WDR3: variants seen among roughly 807,000 people sequenced by gnomAD.
The protein encoded by WDR3 is WD repeat domain 3.
Under a neutral mutation model 123.7 loss-of-function variants are expected in WDR3, and 81 were observed. That is an observed-to-expected ratio of 0.65 (90% CI 0.55 to 0.79). The LOEUF is 0.79. Ranked by LOEUF, WDR3 falls within the 30% of genes least tolerant of loss-of-function variation. The pLI, the probability that WDR3 is intolerant of heterozygous loss-of-function variation, is 0.00. For missense variants in WDR3, 1,027 were observed against 1,123.2 expected (o/e 0.91, Z 1.22); for synonymous variants, 390 against 388.8 (o/e 1.00, Z -0.04).
rs1007467458 is a variant in WDR3, at chr1:117,943,557, C to CT, written c.1262dup (p.Leu421PhefsTer16). 29 of 1,613,980 alleles carry CT rather than the reference C, an allele frequency of 1.8e-5. No homozygotes were observed. The highest frequency in any genetic ancestry group is 2.4e-5 in the Non-Finnish European group (28 of 1,180,022). Reference sequence around the variant, plus strand: ...GGGGGTCATCGCAGTGATGTGCGGACTTTGTCATTCAGCTCAGACAATATT... The same window carrying CT: ...GGGGGTCATCGCAGTGATGTGCGGACTTTTGTCATTCAGCTCAGACAATATT... On this transcript the variant is annotated frameshift_variant, in exon 11 of 27. Coordinates refer to ENST00000349139, the MANE Select transcript of WDR3 (RefSeq NM_006784.3). LOFTEE classifies it high-confidence loss of function.
At chr1:117,947,780 G>A (rs1270839729) in intron 12 of WDR3, among the ~76,000 whole-genome samples, 53 of 152,176 alleles carry the variant, frequency 3.5e-4, no homozygotes, top group Admixed American at 3.3e-3. Flanking sequence ...GAAGCTCATC[G>A]TAAAACAGGC....
intron 11 of WDR3, among the ~76,000 whole-genome samples, chr1:117,945,722 T>C (rs1391061538): frequency 6.6e-6 from 1 of 152,182 alleles, no homozygotes; most frequent in Non-Finnish European, 1.5e-5. Context: ...AATTAATTAA[T>C]GTTTGTGGTC....
Position 117,954,599 on chromosome 1 carries a change from C to T in WDR3, c.2381C>T (p.Pro794Leu), listed in dbSNP as rs1651890080. The change falls in exon 23 of 27, where the codon CCC becomes CTC. Residue 794 changes from proline (P) to leucine (L), a missense_variant. Transcript: ENST00000349139. ...TCATAGGTTCCACTTCCCAGCAACC[C>T]CATCCTAATGGCTTATGGCAGTATC... is the stretch of plus-strand genomic sequence containing the variant. ...AGKEVPLPSNPILMAYGSISP... is the reference protein window; with the variant it reads ...AGKEVPLPSNLILMAYGSISP... 2 of 1,612,336 alleles carry T rather than the reference C, an allele frequency of 1.2e-6. No homozygotes were observed. Among genetic ancestry groups the T allele is most frequent in the African/African-American group, 1.3e-5 (1 of 74,788 alleles).
At chr1:117,956,383 T>C (rs1246041917) in intron 24 of WDR3, among the ~76,000 whole-genome samples, 1 of 152,208 alleles carries the variant, frequency 6.6e-6, no homozygotes, top group Admixed American at 6.5e-5. Flanking sequence ...ATCATTTTCA[T>C]AATGAACCAC....
rs1653754761 is a variant in WDR3 at position 117,965,758 on chromosome 1, G to A, written c.*6311G>A. ...CTGATCATGTCACCCACAGGGTCAG[G>A]AATCTGCAGTGGTTCACTGCTGCTT... On this transcript the variant is annotated 3_prime_UTR_variant, in exon 27 of 27. Coordinates refer to ENST00000349139, the MANE Select transcript of WDR3 (RefSeq NM_006784.3). The A allele has an allele frequency of 6.6e-6, 1 of 152,192 alleles. No individual in the cohort carries two copies. Among genetic ancestry groups the A allele is most frequent in the East Asian group, 1.9e-4 (1 of 5,188 alleles). 9.4% of individuals were successfully genotyped at this position (152,192 alleles called of 1,614,324 possible). A position where few individuals can be genotyped will look rare whatever the true frequency, so the allele number is the denominator to read the frequency against.
In WDR3 at chr1:117,953,552, ATAGAATGTG is replaced by A. The variant is rs779710770; in HGVS notation, c.2268+12_2268+20del. ...GAAACAGTGAAAGCAGTAAGTTGAT[ATAGAATGTG>A]GTATCTCGTTTTTTAATAAGATCTC... On this transcript the variant is annotated intron_variant, in intron 21 of 26. Transcript: ENST00000349139. The A allele has an allele frequency of 1.2e-6, 2 of 1,611,268 alleles. No individual in the cohort carries two copies. Among genetic ancestry groups the A allele is most frequent in the East Asian group, 4.5e-5 (2 of 44,784 alleles).
intron 16 of WDR3, among the ~76,000 whole-genome samples, chr1:117,951,610 A>G (rs1651614352): frequency 6.6e-6 from 1 of 151,778 alleles, no homozygotes; most frequent in South Asian, 2.1e-4. Context: ...TAAACATTCT[A>G]GTAGAGTCTT....
chr1:117,946,512 TATC>T (rs1307770281), intron 12 of WDR3, among the ~76,000 whole-genome samples: 1 of 152,166 alleles, frequency 6.6e-6, no homozygotes, highest in East Asian at 1.9e-4. Context: ...AAGTACCTAA[TATC>T]ATGCTTGGCA....
Position 117,960,933 on chromosome 1 carries a change from TC to T in WDR3, c.*1487del, listed in dbSNP as rs1159180545. 1 of 152,232 alleles carries T rather than the reference TC, an allele frequency of 6.6e-6. No homozygotes were observed. The highest frequency in any genetic ancestry group is 1.5e-5 in the Non-Finnish European group (1 of 68,042). The allele number at this position is 152,232 out of a possible 1,614,324, so 9.4% of individuals were successfully genotyped here. On this transcript the variant is annotated 3_prime_UTR_variant, in exon 27 of 27. Transcript: ENST00000349139. ...ATAACTACTTTTTTCCTAATTTTTT[TC>T]ATCTGAAACTTTTCTCATTGTTTCA...
chr1:117,946,090 A>G lies in WDR3; in HGVS notation c.1333A>G (p.Thr445Ala), dbSNP rs373163432. 36 of 1,609,918 alleles carry G rather than the reference A, an allele frequency of 2.2e-5. No homozygotes were observed. The highest frequency in any genetic ancestry group is 5.4e-5 in the African/African-American group (4 of 74,762). Residue 445 changes from threonine (T) to alanine (A), a missense_variant, in exon 12 of 27, where the codon ACA becomes GCA. Transcript: ENST00000349139. Reference protein sequence around the residue: ...ADSIKIWNRSTLQCIRTMTCE... With the variant: ...ADSIKIWNRSALQCIRTMTCE... ...TTTATTTTTTCTTTCTCATAGGTCT[A>G]CACTGCAGTGTATTCGCACAATGAC...
intron 1 of WDR3, among the ~76,000 whole-genome samples, chr1:117,932,140 C>G (rs890180956): frequency 6.6e-6 from 1 of 152,158 alleles, no homozygotes; most frequent in African/African-American, 2.4e-5. Context: ...CTTCATTCAC[C>G]TCTTGTCCCT....
intron 11 of WDR3, among the ~76,000 whole-genome samples, chr1:117,944,234 T>G (rs1485499337): frequency 6.6e-6 from 1 of 152,208 alleles, no homozygotes; most frequent in African/African-American, 2.4e-5. Context: ...AAAGCTTTAT[T>G]TTATGCTTTG....
intron 21 of WDR3, 49 bp from the exon 22 acceptor site, chr1:117,953,958 G>A (rs1651783720): frequency 2.0e-6 from 3 of 1,496,240 alleles, no homozygotes; most frequent in Non-Finnish European, 2.8e-6. Flanking sequence ...AGTGTCCTGG[G>A]ATGATGGAGT....
Position 117,959,435 on chromosome 1 carries a change from A to G in WDR3, c.2820A>G (p.Leu940=), listed in dbSNP as rs1468267488. The change falls in exon 27 of 27, where the codon CTA becomes CTG. Residue 940 remains leucine (L), a synonymous_variant. Transcript: ENST00000349139. ...GGAAAAAGAGGGAGAAGTTGATTCT[A>G]ACGTTGACTTAGAACTGAAATGTGG... ...RKRKKREKLI[L]TLT is the part of the protein sequence containing the mutation. 1 of 1,610,624 alleles carries G rather than the reference A, an allele frequency of 6.2e-7. No homozygotes were observed. The highest frequency in any genetic ancestry group is 8.5e-7 in the Non-Finnish European group (1 of 1,178,906).
intron 6 of WDR3, among the ~76,000 whole-genome samples, chr1:117,940,038 C>T (rs886205843): frequency 6.6e-6 from 1 of 152,160 alleles, no homozygotes; most frequent in African/African-American, 2.4e-5. Context: ...GCAGCCATTT[C>T]GATGGGAGTT....
chr1:117,939,158 G>T (rs1307049642), intron 5 of WDR3, among the ~76,000 whole-genome samples: 1 of 152,190 alleles, frequency 6.6e-6, no homozygotes, highest in Non-Finnish European at 1.5e-5. Flanking sequence ...TAAAAGCAAA[G>T]AAATAGAAGA....
chr1:117,942,420 T>A lies in WDR3; in HGVS notation c.990-17T>A, dbSNP rs1651202646. The A allele has an allele frequency of 1.2e-6, 2 of 1,606,700 alleles. No homozygotes were observed. Among genetic ancestry groups the A allele is most frequent in the Non-Finnish European group, 1.7e-6 (2 of 1,174,376 alleles). On this transcript the variant is annotated splice_polypyrimidine_tract_variant and intron_variant, in intron 9 of 26. Coordinates refer to ENST00000349139, the MANE Select transcript of WDR3 (RefSeq NM_006784.3). ...TAGAAAAATAAGAGCATGATATACT[T>A]TTCTTCTTCCCTCTAGATTACATTC...
intron 1 of WDR3, among the ~76,000 whole-genome samples, chr1:117,932,832 G>A (rs925687309): frequency 3.3e-5 from 5 of 152,078 alleles, no homozygotes; most frequent in African/African-American, 1.2e-4. Context: ...GGTATTTTAG[G>A]TCAATGATTC....
intron 6 of WDR3, 55 bp from the exon 7 acceptor site, chr1:117,940,772 C>T (rs1041608827): frequency 7.0e-7 from 1 of 1,436,662 alleles, no homozygotes; most frequent in Non-Finnish European, 9.6e-7. Context: ...ACAACAACAA[C>T]ATGCCTCCTG....
Sources: allele counts gnomAD v4.1 joint callset (sites outside exome capture counted in the v4.1 genomes callset), GRCh38; gene constraint gnomAD v4.1.1; transcripts MANE v1.5; gene names NCBI Gene and HGNC (gene_info 2026-07-23, HGNC 2026-07-21).